LRRC4C: variants seen among roughly 807,000 people sequenced by gnomAD.
LRRC4C encodes the protein leucine rich repeat containing 4C.
Under a neutral mutation model 33.6 loss-of-function variants are expected in LRRC4C, and 5 were observed. The ratio of observed to expected loss-of-function variants is 0.15; its 90% CI spans 0.08 to 0.31. LRRC4C has a LOEUF of 0.31. LRRC4C is among the 10% of genes least tolerant of loss of function. The probability of loss-of-function intolerance (pLI) is 1.00; values close to 1 mark genes in which losing one functional copy is unlikely to be tolerated. For missense variants in LRRC4C, 560 were observed against 796.7 expected, an observed-to-expected ratio of 0.70 and a Z score of 3.58; for synonymous variants, 329 against 302.0, an observed-to-expected ratio of 1.09 and a Z score of -0.93.
chr11:40,987,642 T>TATATATATATG (rs138289949), intron 1 of LRRC4C, among the ~76,000 whole-genome samples: 57 of 59,754 alleles, frequency 9.5e-4, no homozygotes, highest in Middle Eastern at 8.3e-3. Context: ...TATATATATA[T>TATATATATATG]ATATATATAT....
At chr11:41,156,670 A>G (rs1468181807) in intron 1 of LRRC4C, among the ~76,000 whole-genome samples, 1 of 152,106 alleles carries the variant, frequency 6.6e-6, no homozygotes, top group African/African-American at 2.4e-5. Context: ...GAAGCTGGTA[A>G]GAATCATTAA....
chr11:41,172,067 C>T (rs1339450409), intron 1 of LRRC4C, among the ~76,000 whole-genome samples: 1 of 151,980 alleles, frequency 6.6e-6, no homozygotes, highest in African/African-American at 2.4e-5. Context: ...AAGATAGGAG[C>T]AAGTGTGATT....
chr11:40,637,526 C>G (rs894275827), intron 3 of LRRC4C, among the ~76,000 whole-genome samples: 1 of 152,004 alleles, frequency 6.6e-6, no homozygotes, highest in Admixed American at 6.6e-5. Flanking sequence ...AGTTAACAAC[C>G]ACCTCCTTAT....
chr11:40,962,017 T>A lies in LRRC4C; in HGVS notation c.-495-28294A>T, dbSNP rs1851010068. On this transcript the variant is annotated intron_variant, in intron 1 of 6. Transcript: ENST00000528697. ...ACTGACTGATCTCCAAGGTCTAAAA[T>A]ATTTACACTCTGGCCTGTAAGAAGC... 2.6e-5 allele frequency among the ~76,000 whole-genome samples: 4 copies of A among 151,546 alleles called. No homozygotes were observed. In the South Asian group the frequency reaches 8.3e-4, roughly 31 times the overall value.
intron 3 of LRRC4C, among the ~76,000 whole-genome samples, chr11:40,539,281 G>GTTTTATGTCCAGTT (rs1288424298): frequency 6.6e-6 from 1 of 152,122 alleles, no homozygotes; most frequent in Non-Finnish European, 1.5e-5. Context: ...AGTTTGTCTA[G>GTTTTATGTCCAGTT]TACTGCTTGG....
chr11:40,534,483 C>G (rs1956394994), intron 3 of LRRC4C, among the ~76,000 whole-genome samples: 1 of 152,086 alleles, frequency 6.6e-6, no homozygotes, highest in Admixed American at 6.6e-5. Context: ...CCTTGTTTGC[C>G]TGCTTTCTAG....
intron 1 of LRRC4C, among the ~76,000 whole-genome samples, chr11:41,406,748 A>ACACACACACACACACACACG (rs936627444): frequency 6.9e-6 from 1 of 145,468 alleles, no homozygotes; most frequent in African/African-American, 2.6e-5. Flanking sequence ...ACACACACAC[A>ACACACACACACACACACACG]CACGCACCCT....
chr11:40,144,086 T>A (rs886532332), intron 5 of LRRC4C, among the ~76,000 whole-genome samples: 1 of 152,168 alleles, frequency 6.6e-6, no homozygotes, highest in Admixed American at 6.5e-5. Flanking sequence ...TGGGAAGTTA[T>A]ATAATTTTTT....
chr11:40,692,590 C>T (rs1437168501), intron 2 of LRRC4C, among the ~76,000 whole-genome samples: 5 of 151,274 alleles, frequency 3.3e-5, no homozygotes, highest in African/African-American at 1.2e-4. Context: ...TTTTTTTTTG[C>T]TAACCAATTC....
chr11:40,913,529 C>T (rs1956793182), intron 2 of LRRC4C, among the ~76,000 whole-genome samples: 1 of 152,086 alleles, frequency 6.6e-6, no homozygotes, highest in South Asian at 2.1e-4. Context: ...ACCAGAATCT[C>T]TGGGACACAT....
At chr11:41,230,966 C>T (rs1180316232) in intron 1 of LRRC4C, among the ~76,000 whole-genome samples, 10 of 149,874 alleles carry the variant, frequency 6.7e-5, no homozygotes, top group Admixed American at 6.7e-4. Context: ...TATGAACAGA[C>T]ACTTCTCAAA....
chr11:40,756,902 T>C (rs1948979718), intron 2 of LRRC4C, among the ~76,000 whole-genome samples: 1 of 151,998 alleles, frequency 6.6e-6, no homozygotes, highest in Non-Finnish European at 1.5e-5. Flanking sequence ...CTTTTTTTTT[T>C]CAAAATTTCC....
intron 1 of LRRC4C, among the ~76,000 whole-genome samples, chr11:41,064,472 T>G (rs1316260291): frequency 6.6e-6 from 1 of 152,214 alleles, no homozygotes; most frequent in Non-Finnish European, 1.5e-5. Context: ...ATACTCATAT[T>G]TTGCAGAGTA....
rs914630181 is a variant in LRRC4C at position 40,233,915 on chromosome 11, T to C, written c.-96+7604A>G. On this transcript the variant is annotated intron_variant, in intron 5 of 6. Coordinates refer to ENST00000528697, the MANE Select transcript of LRRC4C (RefSeq NM_001258419.2). Reference sequence around the variant, plus strand: ...GCTAACACTGTCTGCCTGTAAGTGGTAGACATCCTTCTAAGTACTTCACAT... The same window carrying C: ...GCTAACACTGTCTGCCTGTAAGTGGCAGACATCCTTCTAAGTACTTCACAT... Among the ~76,000 whole-genome samples the C allele has an allele frequency of 2.6e-5, 4 of 152,174 alleles. No individual in the cohort carries two copies. The East Asian group carries it at 7.7e-4, about 29-fold the overall frequency.
intron 1 of LRRC4C, among the ~76,000 whole-genome samples, chr11:41,206,065 C>A (rs1477190728): frequency 6.6e-6 from 1 of 151,988 alleles, no homozygotes; most frequent in Non-Finnish European, 1.5e-5. Flanking sequence ...AATTTATATA[C>A]AACATAGAAA....
At chr11:41,269,348 TAA>T (rs1309651463) in intron 1 of LRRC4C, among the ~76,000 whole-genome samples, 1 of 152,020 alleles carries the variant, frequency 6.6e-6, no homozygotes, top group Non-Finnish European at 1.5e-5. Context: ...TCCCTTCATC[TAA>T]ATTGCCTTGC....
At chr11:40,590,595 C>G (rs371158726) in intron 3 of LRRC4C, among the ~76,000 whole-genome samples, 1 of 152,104 alleles carries the variant, frequency 6.6e-6, no homozygotes, top group African/African-American at 2.4e-5. Context: ...TGTTTTTTCC[C>G]CATCTTTGTG....
chr11:40,437,827 C>A (rs189334571), intron 3 of LRRC4C, among the ~76,000 whole-genome samples: 2 of 152,336 alleles, frequency 1.3e-5, no homozygotes, highest in Admixed American at 6.5e-5. Flanking sequence ...CCTGCCTCAG[C>A]CTCCCGAGTA....
chr11:40,607,394 A>C (rs939058598), intron 3 of LRRC4C, among the ~76,000 whole-genome samples: 8 of 152,118 alleles, frequency 5.3e-5, no homozygotes, highest in African/African-American at 1.7e-4. Flanking sequence ...TATGTCCCCC[A>C]TCCTGTGCCT....
Sources: allele counts gnomAD v4.1 joint callset (sites outside exome capture counted in the v4.1 genomes callset), GRCh38; gene constraint gnomAD v4.1.1; transcripts MANE v1.5; gene names NCBI Gene and HGNC (gene_info 2026-07-23, HGNC 2026-07-21).